The following ELAVL4 variants were observed in gnomAD, a reference collection of about 807,000 sequenced individuals.
ELAVL4 encodes ELAV-like protein 4.
In ELAVL4, 1 loss-of-function variant was observed where a neutral mutation model predicts 35.6. That is an observed-to-expected ratio of 0.03 (90% CI 0.01 to 0.13). The LOEUF is 0.13. Among genes scored for constraint, ELAVL4 ranks in the 10% least tolerant of loss-of-function variants. The pLI is 1.00. For missense variants in ELAVL4, 267 were observed against 464.9 expected, an observed-to-expected ratio of 0.57 and a Z score of 3.91; for synonymous variants, 156 against 171.0, an observed-to-expected ratio of 0.91 and a Z score of 0.69.
rs1399111574 is a variant in ELAVL4 at position 50,048,425 on chromosome 1, AC to A, written c.18+247del. ...CTCTGGCCCCGCAGGTCAGGGTCAC[AC>A]CCCTGCCGGCCTCCTGAGACTTCCC... On this transcript the variant is annotated intron_variant, in intron 1 of 6. Transcript: ENST00000448907. 5.3e-5 allele frequency among the ~76,000 whole-genome samples: 8 copies of A among 152,072 alleles called. No homozygotes were observed. The East Asian group carries it at 1.6e-3, about 30-fold the overall frequency.
chr1:50,106,413 G>T (rs748218814), upstream of ELAVL4: 3 of 1,595,424 alleles, frequency 1.9e-6, no homozygotes, highest in South Asian at 2.2e-5. Context: ...ATACAGCGGC[G>T]CTGGCAGCCC....
chr1:50,071,963 A>G (rs1310893449), intron 1 of ELAVL4, among the ~76,000 whole-genome samples: 1 of 152,242 alleles, frequency 6.6e-6, no homozygotes, highest in African/African-American at 2.4e-5. Context: ...TAAGTAGTCA[A>G]CAAATAGTAC....
At chr1:50,109,673 T>C (rs1666730700) in intron 1 of ELAVL4, 1 of 496,764 alleles carries the variant, frequency 2.0e-6, no homozygotes, top group Non-Finnish European at 3.7e-6. Context: ...AGATGGGCAG[T>C]TGTGTTTCGG....
At chr1:50,121,643 G>A (rs1019976265) in intron 1 of ELAVL4, among the ~76,000 whole-genome samples, 1 of 151,994 alleles carries the variant, frequency 6.6e-6, no homozygotes, top group Non-Finnish European at 1.5e-5. Flanking sequence ...AGTGAGCTCT[G>A]TATTATACAA....
chr1:50,178,701 A>G (rs1274061373), intron 3 of ELAVL4, among the ~76,000 whole-genome samples: 3 of 152,148 alleles, frequency 2.0e-5, no homozygotes, highest in Non-Finnish European at 4.4e-5. Flanking sequence ...CAAAGTAAAA[A>G]CATACCTATT....
At chr1:50,106,174 G>A, upstream of ELAVL4, 8 of 615,306 alleles carry the variant, frequency 1.3e-5, no homozygotes, top group Middle Eastern at 3.4e-4. Context: ...ATTGTGCCAC[G>A]TAAGGCTTCT....
chr1:50,089,882 T>A (rs1384051366), intron 1 of ELAVL4, among the ~76,000 whole-genome samples: 1 of 152,074 alleles, frequency 6.6e-6, no homozygotes, highest in Admixed American at 6.5e-5. Context: ...CCAAGTACAG[T>A]GGGAATACAG....
chr1:50,153,650 A>T (rs572335717), intron 2 of ELAVL4, among the ~76,000 whole-genome samples: 11 of 152,254 alleles, frequency 7.2e-5, no homozygotes, highest in Non-Finnish European at 1.5e-4. Flanking sequence ...AGACCAGTCC[A>T]TGCAGAGGAG....
chr1:50,187,221 G>A lies in ELAVL4; in HGVS notation c.355-6544G>A, dbSNP rs112355829. Among the ~76,000 whole-genome samples, 24 of 152,290 alleles carry A rather than the reference G, an allele frequency of 1.6e-4. 1 individual carries two copies. The highest frequency in any genetic ancestry group is 5.5e-4 in the African/African-American group (23 of 41,550). On this transcript the variant is annotated intron_variant, in intron 3 of 6. Coordinates refer to ENST00000371824, the MANE Select transcript of ELAVL4 (RefSeq NM_001144774.3). ...TCTGAAATGATTGGTTTGTGTGTGTGTGTCTCCTCTGCTAGACTAATAGTC... is the reference window on the plus strand; with the variant it reads ...TCTGAAATGATTGGTTTGTGTGTGTATGTCTCCTCTGCTAGACTAATAGTC...
intron 1 of ELAVL4, among the ~76,000 whole-genome samples, chr1:50,142,736 C>T (rs548713385): frequency 1.3e-3 from 204 of 152,280 alleles, no homozygotes; most frequent in African/African-American, 4.7e-3. Context: ...AATATACATA[C>T]ACCCTATGAT....
intron 1 of ELAVL4, among the ~76,000 whole-genome samples, chr1:50,060,572 A>G (rs1398928268): frequency 6.6e-6 from 1 of 152,186 alleles, no homozygotes; most frequent in African/African-American, 2.4e-5. Flanking sequence ...TGCTCTTACT[A>G]TGGAGGAGGG....
intron 2 of ELAVL4, among the ~76,000 whole-genome samples, chr1:50,165,836 A>G (rs905459875): frequency 2.0e-5 from 3 of 151,436 alleles, no homozygotes; most frequent in Non-Finnish European, 4.4e-5. Context: ...GTGTGTGTAT[A>G]TATATATAAA....
rs566196308 is a variant in ELAVL4, at chr1:50,172,787, C to T, written c.251-4302C>T. Among the ~76,000 whole-genome samples the T allele has an allele frequency of 2.6e-5, 4 of 152,280 alleles. No individual in the cohort carries two copies. The South Asian group carries it at 8.3e-4, about 32-fold the overall frequency. On this transcript the variant is annotated intron_variant, in intron 2 of 6. Coordinates refer to ENST00000371824, the MANE Select transcript of ELAVL4 (RefSeq NM_001144774.3). ...TATAAAATGATAATTATCTCTCAAA[C>T]AGGGTTGTTGAGAGAATCAAATGCA...
At chr1:50,193,709 A>G (rs2148880226) in intron 3 of ELAVL4, 56 bp from the exon 4 acceptor site, 1 of 1,567,618 alleles carries the variant, frequency 6.4e-7, no homozygotes, top group South Asian at 1.2e-5. Flanking sequence ...TGGACTCAGC[A>G]TCTACTCTGA....
chr1:50,065,356 G>A (rs1318580662), intron 1 of ELAVL4, among the ~76,000 whole-genome samples: 1 of 152,290 alleles, frequency 6.6e-6, no homozygotes, highest in Non-Finnish European at 1.5e-5. Context: ...TTAAGGAAAA[G>A]ATGCTCTTTC....
intron 2 of ELAVL4, chr1:50,174,618 G>T (rs1473484586): frequency 6.6e-6 from 1 of 151,958 alleles, no homozygotes; most frequent in African/African-American, 2.4e-5. Context: ...TGGTGGATTT[G>T]GGACTGATAG....
chr1:50,166,334 C>T lies in ELAVL4; in HGVS notation c.251-10755C>T, dbSNP rs572400910. Among the ~76,000 whole-genome samples the T allele has an allele frequency of 5.9e-5, 9 of 152,236 alleles. No individual in the cohort carries two copies. The South Asian group carries it at 1.7e-3, about 28-fold the overall frequency. ...CAACTATCCTTCAAACAACCAGAAA[C>T]GCACCCATCCCCAACCCAAATACCA... On this transcript the variant is annotated intron_variant, in intron 2 of 6. Coordinates refer to ENST00000371824, the MANE Select transcript of ELAVL4 (RefSeq NM_001144774.3).
chr1:50,069,695 AT>A (rs763844228), intron 1 of ELAVL4, among the ~76,000 whole-genome samples: 64 of 152,230 alleles, frequency 4.2e-4, no homozygotes, highest in Non-Finnish European at 5.0e-4. Context: ...ATAGCAGCTT[AT>A]TTTTTAGCAT....
At chr1:50,126,596 G>A (rs1443378299) in intron 1 of ELAVL4, among the ~76,000 whole-genome samples, 1 of 152,108 alleles carries the variant, frequency 6.6e-6, no homozygotes, top group South Asian at 2.1e-4. Context: ...TTTATGTATT[G>A]TATCTCCTGT....
Sources: gnomAD v4.1 joint callset for allele counts (sites outside exome capture counted in the v4.1 genomes callset) on GRCh38, gnomAD v4.1.1 for gene constraint, MANE v1.5 for transcripts, NCBI Gene and HGNC (gene_info 2026-07-23, HGNC 2026-07-21) for gene names.